The following PARD3B variants were observed in gnomAD, a reference collection of about 807,000 sequenced individuals.
PARD3B encodes the protein partitioning defective 3 homolog B.
In PARD3B, 103 loss-of-function variants were observed where a neutral mutation model predicts 130.2. That is an observed-to-expected ratio of 0.79 (90% CI 0.67 to 0.93). The LOEUF is 0.93. Ranked by LOEUF, PARD3B falls within the 40% of genes least tolerant of loss-of-function variation. The pLI is 0.00. For missense variants in PARD3B, 1,609 were observed against 1,499.2 expected, an observed-to-expected ratio of 1.07 and a Z score of -1.21; for synonymous variants, 583 against 553.2, an observed-to-expected ratio of 1.05 and a Z score of -0.76.
chr2:204,877,405 T>TA (rs1183572026), intron 2 of PARD3B, among the ~76,000 whole-genome samples: 1 of 151,662 alleles, frequency 6.6e-6, no homozygotes, highest in African/African-American at 2.4e-5. Flanking sequence ...ATAAAAAAAT[T>TA]AAAAAAAAGA....
At chr2:205,046,299 G>A (rs1698774794) in intron 3 of PARD3B, among the ~76,000 whole-genome samples, 2 of 150,854 alleles carry the variant, frequency 1.3e-5, no homozygotes, top group Non-Finnish European at 1.5e-5. Flanking sequence ...ATTGCCAACC[G>A]TACAATTATT....
intron 2 of PARD3B, among the ~76,000 whole-genome samples, chr2:204,803,158 AAAAAAAT>A (rs1316449604): frequency 4.0e-4 from 53 of 133,354 alleles, no homozygotes; most frequent in African/African-American, 1.5e-3. Flanking sequence ...AAAAAAAAAA[AAAAAAAT>A]ATATATATAT....
At chr2:204,642,367 T>C (rs547119052) in intron 1 of PARD3B, among the ~76,000 whole-genome samples, 4 of 152,294 alleles carry the variant, frequency 2.6e-5, no homozygotes, top group African/African-American at 7.2e-5. Context: ...ACACTGGAAA[T>C]TGGTCAGAGT....
At chr2:204,935,158 T>G (rs1688323228) in intron 2 of PARD3B, among the ~76,000 whole-genome samples, 1 of 151,454 alleles carries the variant, frequency 6.6e-6, no homozygotes, top group African/African-American at 2.4e-5. Context: ...TTTTTTTTTT[T>G]TTTTTACATT....
chr2:205,465,134 T>G (rs2048578086), intron 20 of PARD3B, among the ~76,000 whole-genome samples: 1 of 152,240 alleles, frequency 6.6e-6, no homozygotes, highest in Non-Finnish European at 1.5e-5. Context: ...TAATTACACG[T>G]TTGACCTAAT....
chr2:204,646,223 C>A (rs777728557), intron 1 of PARD3B, among the ~76,000 whole-genome samples: 1 of 152,030 alleles, frequency 6.6e-6, no homozygotes, highest in Admixed American at 6.6e-5. Context: ...TTGCTTGCAC[C>A]CCAGAAGTTC....
chr2:204,799,154 A>G lies in PARD3B; in HGVS notation c.222+112872A>G, dbSNP rs2042476763. On this transcript the variant is annotated intron_variant, in intron 2 of 22. Coordinates refer to ENST00000406610, the MANE Select transcript of PARD3B (RefSeq NM_001302769.2). The surrounding 1 kb of genome is among the most constrained non-coding windows in gnomAD (Gnocchi z 4.1). ...CGGGAGCCCACTACCCTGAAGGGAGAGACCCAGACCTGGAAGCATTCACCA... is the reference window on the plus strand; with the variant it reads ...CGGGAGCCCACTACCCTGAAGGGAGGGACCCAGACCTGGAAGCATTCACCA... Among the ~76,000 whole-genome samples, 1 of 151,960 alleles carries G rather than the reference A, an allele frequency of 6.6e-6. No individual in the cohort carries two copies. Among genetic ancestry groups the G allele is most frequent in the Non-Finnish European group, 1.5e-5 (1 of 68,004 alleles).
Position 205,281,339 on chromosome 2 carries a change from AGGT to A in PARD3B, c.2186-19188_2186-19186del, listed in dbSNP as rs1478614103. Among the ~76,000 whole-genome samples, 1 of 152,246 alleles carries A rather than the reference AGGT, an allele frequency of 6.6e-6. No individual in the cohort carries two copies. The highest frequency in any genetic ancestry group is 1.5e-5 in the Non-Finnish European group (1 of 68,042). ...CAGAATACCAGGTAATCATAGAGCA[AGGT>A]GGAGCCAGGGACCAACTCGAGTGAC... is the stretch of plus-strand genomic sequence containing the variant. On this transcript the variant is annotated intron_variant, in intron 16 of 22. Transcript: ENST00000406610. This position sits in a 1 kb window ranked among gnomAD's most constrained non-coding sequence, Gnocchi z 4.2.
At chr2:204,633,541 C>T (rs749153131) in intron 1 of PARD3B, among the ~76,000 whole-genome samples, 8 of 152,162 alleles carry the variant, frequency 5.3e-5, no homozygotes, top group South Asian at 2.1e-4. Context: ...TAGCTGGGCA[C>T]GGTGGCTCAC....
chr2:204,653,597 C>T (rs886443841), intron 1 of PARD3B, among the ~76,000 whole-genome samples: 1 of 150,480 alleles, frequency 6.6e-6, no homozygotes, highest in East Asian at 1.9e-4. Flanking sequence ...TTGAGACCAG[C>T]CTGACCAACA....
At chr2:204,774,354 G>T (rs570767506) in intron 2 of PARD3B, among the ~76,000 whole-genome samples, 4 of 152,026 alleles carry the variant, frequency 2.6e-5, no homozygotes, top group African/African-American at 9.6e-5. Flanking sequence ...GCATATAATA[G>T]TCCATGTAAT....
In PARD3B at chr2:205,301,970, T is replaced by C. The variant is rs1446790393; in HGVS notation, c.2630+269T>C. 32 of 692,784 alleles carry C rather than the reference T, an allele frequency of 4.6e-5. No homozygotes were observed. The East Asian group carries it at 8.4e-4, about 18-fold the overall frequency. 42.9% of individuals were successfully genotyped at this position (692,784 alleles called of 1,614,324 possible). The stretch of plus-strand genomic sequence containing the variant: ...CGGTGGCTCATGCCTGTAATCTCAG[T>C]ACTTTGGGAGGCTGGGAGGATTGCT... On this transcript the variant is annotated intron_variant, in intron 18 of 22. Transcript: ENST00000406610. The surrounding 1 kb of genome is among the most constrained non-coding windows in gnomAD (Gnocchi z 5.2).
At chr2:204,648,641 ATT>A (rs1491323510) in intron 1 of PARD3B, among the ~76,000 whole-genome samples, 62 of 118,182 alleles carry the variant, frequency 5.2e-4, no homozygotes, top group African/African-American at 1.8e-3. Context: ...TATAATATAT[ATT>A]ATATATATAA....
At chr2:205,427,664 A>G (rs1471498465) in intron 19 of PARD3B, among the ~76,000 whole-genome samples, 1 of 152,210 alleles carries the variant, frequency 6.6e-6, no homozygotes, top group Non-Finnish European at 1.5e-5. Flanking sequence ...TGAAAGCTAT[A>G]TATTATATTT....
chr2:205,018,749 A>AAAAAAAAAAAAG (rs1559359658), intron 3 of PARD3B, among the ~76,000 whole-genome samples: 4 of 120,024 alleles, frequency 3.3e-5, no homozygotes, highest in Non-Finnish European at 7.3e-5. Context: ...AAAAAAAAAA[A>AAAAAAAAAAAAG]AGCACGCTGA....
chr2:205,429,308 A>G (rs2047249195), intron 19 of PARD3B, among the ~76,000 whole-genome samples: 1 of 152,204 alleles, frequency 6.6e-6, no homozygotes, highest in Admixed American at 6.5e-5. Flanking sequence ...TAGCAGTGAA[A>G]AAGAAATATT....
chr2:204,652,378 C>G lies in PARD3B; in HGVS notation c.121-33803C>G, dbSNP rs572888743. ...TTCCACCAGATATCCTCAATCATCT[C>G]TCTCAAGTTCAAAGTTTCTAGGGCA... On this transcript the variant is annotated intron_variant, in intron 1 of 22. Coordinates refer to ENST00000406610, the MANE Select transcript of PARD3B (RefSeq NM_001302769.2). Among the ~76,000 whole-genome samples the G allele has an allele frequency of 3.9e-5, 6 of 152,310 alleles. No individual in the cohort carries two copies. In the South Asian group the frequency reaches 1.0e-3, roughly 26 times the overall value.
At chr2:204,879,630 G>A (rs1339277405) in intron 2 of PARD3B, among the ~76,000 whole-genome samples, 2 of 152,186 alleles carry the variant, frequency 1.3e-5, no homozygotes, top group East Asian at 3.8e-4. Flanking sequence ...TGCCTGTATG[G>A]GTTGTGGGGG....
intron 2 of PARD3B, among the ~76,000 whole-genome samples, chr2:204,795,283 A>G (rs2042331256): frequency 6.6e-6 from 1 of 152,192 alleles, no homozygotes; most frequent in East Asian, 1.9e-4. Flanking sequence ...TGATTGAGTC[A>G]TTTTGATAGT....
Sources: gnomAD v4.1 joint callset for allele counts (sites outside exome capture counted in the v4.1 genomes callset) on GRCh38, gnomAD v4.1.1 for gene constraint, Gnocchi (gnomAD v3.1) non-coding constraint, MANE v1.5 for transcripts, NCBI Gene and HGNC (gene_info 2026-07-23, HGNC 2026-07-21) for gene names.